Variants in FARP1 observed in about 807,000 individuals in gnomAD.
FARP1 encodes the protein FERM, ARH/RhoGEF and pleckstrin domain protein 1, also known as FERM, ARHGEF and pleckstrin domain-containing protein 1.
Under a neutral mutation model 128.8 loss-of-function variants are expected in FARP1, and 52 were observed. The observed-to-expected ratio is 0.40, with a 90% CI of 0.32 to 0.51. The LOEUF (loss-of-function observed/expected upper bound fraction) is 0.51, where lower values mean the gene tolerates loss of function less well. Ranked by LOEUF, FARP1 falls within the 20% of genes least tolerant of loss-of-function variation. The pLI is 0.45. For missense variants in FARP1, 1,333 were observed against 1,367.9 expected, an observed-to-expected ratio of 0.97 and a Z score of 0.40; for synonymous variants, 580 against 551.8, an observed-to-expected ratio of 1.05 and a Z score of -0.72.
intron 1 of FARP1, among the ~76,000 whole-genome samples, 189 bp downstream of exon 1, chr13:98,143,681 C>A (rs1173460649): frequency 1.3e-5 from 2 of 151,352 alleles, no homozygotes; most frequent in Admixed American, 6.6e-5. Context: ...CGGGCAGCCC[C>A]GGCCACCATC....
At chr13:98,260,669 T>G (rs1187240558) in intron 2 of FARP1, among the ~76,000 whole-genome samples, 1 of 152,250 alleles carries the variant, frequency 6.6e-6, no homozygotes, top group Non-Finnish European at 1.5e-5. Flanking sequence ...TAGAGTTCCC[T>G]GATGCTTTAG....
At chr13:98,364,306 A>G (rs532160962) in intron 3 of FARP1, among the ~76,000 whole-genome samples, 91 of 152,202 alleles carry the variant, frequency 6.0e-4, no homozygotes, top group Non-Finnish European at 1.1e-3. Flanking sequence ...GCTTCCCTGA[A>G]CCCTGGCCAA....
intron 1 of FARP1, among the ~76,000 whole-genome samples, chr13:98,157,557 A>G (rs1028619530): frequency 3.3e-5 from 5 of 151,996 alleles, no homozygotes; most frequent in African/African-American, 9.7e-5. Flanking sequence ...CTCTCCACTC[A>G]TTTTGGTTAT....
intron 16 of FARP1, among the ~76,000 whole-genome samples, chr13:98,419,956 G>T (rs935768059): frequency 2.8e-4 from 42 of 152,140 alleles, no homozygotes; most frequent in African/African-American, 9.7e-4. Context: ...TATGCAGTGT[G>T]CCAGTCACTG....
At chr13:98,282,446 A>G (rs1418713339) in intron 2 of FARP1, among the ~76,000 whole-genome samples, 1 of 152,204 alleles carries the variant, frequency 6.6e-6, no homozygotes, top group African/African-American at 2.4e-5. Context: ...ACAAAAGTAA[A>G]TAGTAACTCA....
chr13:98,314,017 A>T (rs1886606761), intron 2 of FARP1, among the ~76,000 whole-genome samples: 2 of 152,214 alleles, frequency 1.3e-5, no homozygotes, highest in African/African-American at 2.4e-5. Context: ...CCCAAGCTAC[A>T]GGTCCCTCTT....
At chr13:98,410,652 A>AT in intron 14 of FARP1, 82 bp from the exon 15 acceptor site, 1 of 658,664 alleles carries the variant, frequency 1.5e-6, no homozygotes, top group East Asian at 2.8e-5. Context: ...AGTTAGTAAC[A>AT]TATCACTTTA....
Position 98,231,302 on chromosome 13 carries a change from TA to T in FARP1, c.171+17899del, listed in dbSNP as rs150635401. ...CTGGAGCTAGGGAGAACAGAGGATG[TA>T]AAAAAAAAATACTCTGGACAAGCTT... On this transcript the variant is annotated intron_variant, in intron 2 of 26. Coordinates refer to ENST00000319562, the MANE Select transcript of FARP1 (RefSeq NM_005766.4). Among the ~76,000 whole-genome samples, 27 of 149,126 alleles carry T rather than the reference TA, an allele frequency of 1.8e-4. No individual in the cohort carries two copies. In the East Asian group the frequency reaches 2.5e-3, roughly 14 times the overall value.
chr13:98,229,580 A>G (rs1881991186), intron 2 of FARP1, among the ~76,000 whole-genome samples: 1 of 151,638 alleles, frequency 6.6e-6, no homozygotes, highest in Admixed American at 6.6e-5. Context: ...GGCTCACTGC[A>G]GCCTCAACCA....
At chr13:98,206,997 A>T (rs1445901652) in intron 1 of FARP1, among the ~76,000 whole-genome samples, 1 of 152,224 alleles carries the variant, frequency 6.6e-6, no homozygotes, top group African/African-American at 2.4e-5. Flanking sequence ...GGATTTGTTT[A>T]TCTGGAAGAC....
chr13:98,236,885 C>T (rs769353500), intron 2 of FARP1, among the ~76,000 whole-genome samples: 8 of 151,982 alleles, frequency 5.3e-5, no homozygotes, highest in East Asian at 1.9e-4. Context: ...CCAGCTACTC[C>T]GGAGGCTGAG....
intron 3 of FARP1, among the ~76,000 whole-genome samples, chr13:98,362,970 T>C (rs1888933486): frequency 6.6e-6 from 1 of 152,244 alleles, no homozygotes; most frequent in Non-Finnish European, 1.5e-5. Context: ...CAAACTCTAC[T>C]TCTGCCATTC....
intron 1 of FARP1, among the ~76,000 whole-genome samples, chr13:98,207,961 C>CACACACACACACAG: frequency 6.9e-6 from 1 of 145,576 alleles, no homozygotes; most frequent in East Asian, 2.0e-4. Context: ...CACACACACA[C>CACACACACACACAG]ACACACACTT....
chr13:98,162,938 A>T (rs931935719), intron 1 of FARP1, among the ~76,000 whole-genome samples: 2 of 152,180 alleles, frequency 1.3e-5, no homozygotes, highest in Admixed American at 6.5e-5. Context: ...CAAAAAACAG[A>T]ACTACCATTC....
At chr13:98,435,536 G>A (rs1350574944) in intron 18 of FARP1, 40 bp from the exon 19 acceptor site, 1 of 1,574,146 alleles carries the variant, frequency 6.4e-7, no homozygotes, top group African/African-American at 1.3e-5. Context: ...ACCCCTGCCT[G>A]CCTTTCCCGC....
chr13:98,274,505 GT>G (rs201628641), intron 2 of FARP1, among the ~76,000 whole-genome samples: 9 of 149,622 alleles, frequency 6.0e-5, no homozygotes, highest in East Asian at 1.9e-4. Flanking sequence ...TACGATAATA[GT>G]TTTTTTTTTA....
intron 2 of FARP1, among the ~76,000 whole-genome samples, chr13:98,288,011 A>C (rs1393079057): frequency 3.9e-5 from 6 of 152,070 alleles, no homozygotes; most frequent in African/African-American, 1.2e-4. Flanking sequence ...CATCTTGGCC[A>C]GGATGGTCTG....
intron 17 of FARP1, among the ~76,000 whole-genome samples, chr13:98,429,372 A>C (rs1054767998): frequency 9.9e-5 from 15 of 152,188 alleles, no homozygotes; most frequent in African/African-American, 3.6e-4. Flanking sequence ...CAGAGAGGTC[A>C]GAGGGATCCC....
rs140269431 is a variant in FARP1 at position 98,409,393 on chromosome 13, A to T, written c.1470A>T (p.Gly490=). ...AGCTGTCTGTGAACTCGCAGGGGGG[A>T]GTGGCCCCTGCCAACGTGACCTTGT... ...LSELSVNSQG[G]VAPANVTLSP... is the part of the protein sequence containing the mutation. The change falls in exon 14 of 27, where the codon GGA becomes GGT. Residue 490 remains glycine, a synonymous_variant. Transcript: ENST00000319562. 956 of 1,612,518 alleles carry T rather than the reference A, an allele frequency of 5.9e-4. 5 individuals are homozygous for T. Among genetic ancestry groups the T allele is most frequent in the African/African-American group, 4.2e-3 (311 of 74,388 alleles).
Sources: allele counts gnomAD v4.1 joint callset (sites outside exome capture counted in the v4.1 genomes callset), GRCh38; gene constraint gnomAD v4.1.1; transcripts MANE v1.5; gene names NCBI Gene and HGNC (gene_info 2026-07-23, HGNC 2026-07-21).